GPHN: variants seen among roughly 807,000 people sequenced by gnomAD.
GPHN encodes gephyrin.
In GPHN, 17 loss-of-function variants were observed where a neutral mutation model predicts 95.5. The ratio of observed to expected loss-of-function variants is 0.18; its 90% CI spans 0.12 to 0.27. The LOEUF (loss-of-function observed/expected upper bound fraction) is 0.27, where lower values mean the gene tolerates loss of function less well. Among genes scored for constraint, GPHN ranks in the 10% least tolerant of loss-of-function variants. The probability of loss-of-function intolerance (pLI) is 1.00; values close to 1 mark genes in which losing one functional copy is unlikely to be tolerated. For synonymous variants in GPHN, 320 were observed against 322.5 expected, an observed-to-expected ratio of 0.99 and a Z score of 0.08; for missense variants, 660 against 978.1, an observed-to-expected ratio of 0.67 and a Z score of 4.34.
chr14:67,144,280 TATATATAC>T (rs1567401119), intron 18 of GPHN, among the ~76,000 whole-genome samples: 1 of 112,810 alleles, frequency 8.9e-6, no homozygotes. Context: ...TATATATATA[TATATATAC>T]ACACACACAT....
chr14:66,927,600 G>A (rs2066550174), intron 8 of GPHN, among the ~76,000 whole-genome samples: 1 of 152,078 alleles, frequency 6.6e-6, no homozygotes, highest in Non-Finnish European at 1.5e-5. Context: ...GTAAAAGTGA[G>A]CATCTTTGTC....
the GPHN span, among the ~76,000 whole-genome samples, chr14:67,193,954 C>CAAAAAAAAAAAAAAAAAAAAA: frequency 1.2e-5 from 1 of 85,758 alleles, no homozygotes; most frequent in African/African-American, 4.2e-5. Flanking sequence ...CAAAAAAAAA[C>CAAAAAAAAAAAAAAAAAAAAA]AAAAAAAAAA....
chr14:66,590,089 C>T (rs910490311), intron 1 of GPHN, among the ~76,000 whole-genome samples: 4 of 152,118 alleles, frequency 2.6e-5, no homozygotes, highest in Non-Finnish European at 4.4e-5. Context: ...GGGTAAATAA[C>T]AAAATTAAGG....
chr14:66,571,767 T>C (rs2060703407), intron 1 of GPHN, among the ~76,000 whole-genome samples: 1 of 152,092 alleles, frequency 6.6e-6, no homozygotes, highest in Non-Finnish European at 1.5e-5. Context: ...GCCGAGATCG[T>C]GCCACTGCAT....
In GPHN at chr14:66,895,750, G is replaced by A. The variant is rs79906956; in HGVS notation, c.389+15717G>A. Among the ~76,000 whole-genome samples the A allele has an allele frequency of 8.4e-3, 1,281 of 152,122 alleles. 9 individuals carry two copies. The highest frequency in any genetic ancestry group is 0.014 in the Non-Finnish European group (936 of 67,986). On this transcript the variant is annotated intron_variant, in intron 5 of 22. Transcript: ENST00000478722. ...CATTTTATCACCAAAAGAACCTCAC[G>A]TAAAGAATTTTAAAGATATACTCTG...
the GPHN span, among the ~76,000 whole-genome samples, chr14:67,501,015 T>C: frequency 1.3e-5 from 2 of 149,762 alleles, no homozygotes; most frequent in African/African-American, 4.9e-5. Flanking sequence ...CATCCAGGTA[T>C]AGAAAATGCC....
chr14:67,450,390 A>C, the GPHN span, among the ~76,000 whole-genome samples: 2 of 152,192 alleles, frequency 1.3e-5, no homozygotes, highest in Non-Finnish European at 2.9e-5. Flanking sequence ...AACAGTCTGG[A>C]GGGCTCAGAA....
the GPHN span, chr14:67,659,897 C>CA: frequency 1.2e-6 from 2 of 1,613,838 alleles, no homozygotes; most frequent in Non-Finnish European, 1.7e-6. Flanking sequence ...GGGTGCATAA[C>CA]GTAGCTCCTC....
intron 9 of GPHN, among the ~76,000 whole-genome samples, chr14:66,989,715 T>C (rs544191567): frequency 1.3e-5 from 2 of 151,362 alleles, no homozygotes; most frequent in South Asian, 4.2e-4. Context: ...AGAGTTCAGC[T>C]AAGGAAACAT....
chr14:66,651,141 A>T lies in GPHN; in HGVS notation c.65-29966A>T, dbSNP rs572820276. On this transcript the variant is annotated intron_variant, in intron 1 of 22. Transcript: ENST00000478722. ...TTGAGTTACAAGAGCCGCTTCAGAGATTTCTTTTAGGAGAATAGTTCTTTT... is the reference window on the plus strand; with the variant it reads ...TTGAGTTACAAGAGCCGCTTCAGAGTTTTCTTTTAGGAGAATAGTTCTTTT... Among the ~76,000 whole-genome samples the T allele has an allele frequency of 7.2e-5, 11 of 152,292 alleles. No homozygotes were observed. In the South Asian group the frequency reaches 1.9e-3, roughly 26 times the overall value.
intron 1 of GPHN, among the ~76,000 whole-genome samples, chr14:66,678,135 C>T (rs1193154008): frequency 6.6e-6 from 1 of 152,092 alleles, no homozygotes; most frequent in Non-Finnish European, 1.5e-5. Context: ...GTCTGTCTCT[C>T]AAGATTTGGG....
At chr14:67,152,766 A>C (rs1403584431) in intron 18 of GPHN, among the ~76,000 whole-genome samples, 1 of 152,040 alleles carries the variant, frequency 6.6e-6, no homozygotes. Flanking sequence ...GGAGATTGAG[A>C]CCATCCTGGC....
At chr14:67,432,812 G>A in the GPHN span, among the ~76,000 whole-genome samples, 3 of 151,960 alleles carry the variant, frequency 2.0e-5, no homozygotes, top group East Asian at 3.9e-4. Flanking sequence ...GGGTTTGTAG[G>A]GGCATCACTC....
chr14:67,664,923 G>A, the GPHN span, among the ~76,000 whole-genome samples: 54 of 152,272 alleles, frequency 3.5e-4, no homozygotes, highest in South Asian at 9.9e-3. Flanking sequence ...CTGGAGTGCC[G>A]TGGCGTCATC....
At chr14:66,585,132 C>G (rs1236012924) in intron 1 of GPHN, among the ~76,000 whole-genome samples, 1 of 151,978 alleles carries the variant, frequency 6.6e-6, no homozygotes, top group Non-Finnish European at 1.5e-5. Flanking sequence ...TGTATGTGTC[C>G]AGGAATTTAT....
At chr14:67,080,376 T>C (rs2076643588) in intron 11 of GPHN, among the ~76,000 whole-genome samples, 1 of 152,082 alleles carries the variant, frequency 6.6e-6, no homozygotes, top group Non-Finnish European at 1.5e-5. Context: ...TTTACTCTGT[T>C]GATTGCATTC....
chr14:67,718,536 G>A, the GPHN span, among the ~76,000 whole-genome samples: 4 of 152,314 alleles, frequency 2.6e-5, no homozygotes, highest in South Asian at 4.1e-4. Context: ...TGGGAGGATG[G>A]CTGATCCGGG....
rs183159303 is a variant in GPHN at position 67,111,846 on chromosome 14, C to T, written c.1414-15C>T. The T allele has an allele frequency of 4.0e-4, 637 of 1,604,516 alleles. 2 individuals are homozygous for T. In the African/African-American group the frequency reaches 6.9e-3, roughly 17 times the overall value. ...GAAATTCTGTTTGAAATTACATGAC[C>T]GGCTGTTATTATAGGGCACTGAAGA... On this transcript the variant is annotated splice_polypyrimidine_tract_variant and intron_variant, in intron 14 of 22. Transcript: ENST00000478722.
At chr14:66,557,199 C>T (rs999737436) in intron 1 of GPHN, among the ~76,000 whole-genome samples, 1 of 150,148 alleles carries the variant, frequency 6.7e-6, no homozygotes, top group Non-Finnish European at 1.5e-5. Context: ...AAAGCATGAC[C>T]CTGTCTGAAA....
Sources: allele counts gnomAD v4.1 joint callset (sites outside exome capture counted in the v4.1 genomes callset), GRCh38; gene constraint gnomAD v4.1.1; transcripts MANE v1.5; gene names NCBI Gene and HGNC (gene_info 2026-07-23, HGNC 2026-07-21).